TDP2: variants seen among roughly 807,000 people sequenced by gnomAD.
TDP2 encodes the protein 5'-Tyr-DNA phosphodiesterase.
TDP2 carries 38 observed loss-of-function variants against 42.8 expected under a neutral mutation model. The observed-to-expected ratio is 0.89, with a 90% CI of 0.68 to 1.16. TDP2 has a LOEUF of 1.16. Among genes scored for constraint, TDP2 ranks in the 50% most tolerant of loss-of-function variants. The pLI is 0.00. For synonymous variants in TDP2, 173 were observed against 150.6 expected, an observed-to-expected ratio of 1.15 and a Z score of -1.09; for missense variants, 439 against 439.3, an observed-to-expected ratio of 1.00 and a Z score of 0.01.
In TDP2 at chr6:24,650,140, A is replaced by C. The variant is rs1777947250; in HGVS notation, c.*648T>G. 1 of 152,208 alleles carries C rather than the reference A, an allele frequency of 6.6e-6. No individual in the cohort carries two copies. The highest frequency in any genetic ancestry group is 2.4e-5 in the African/African-American group (1 of 41,454). 9.4% of individuals were successfully genotyped at this position (152,208 alleles called of 1,614,324 possible). On this transcript the variant is annotated 3_prime_UTR_variant, in exon 7 of 7. Coordinates refer to ENST00000378198, the MANE Select transcript of TDP2 (RefSeq NM_016614.3). The stretch of plus-strand genomic sequence containing the variant: ...TTCATGCATTTATTTTTGTTAGAAA[A>C]ATGTCCCATGGTGCTATCAAACCGA...
intron 6 of TDP2, 148 bp downstream of exon 6, chr6:24,652,835 C>G: frequency 1.2e-6 from 1 of 839,282 alleles, no homozygotes; most frequent in Non-Finnish European, 1.9e-6. Flanking sequence ...ACAGCATAGG[C>G]TAAACAAATA....
chr6:24,658,319 G>T (rs17249924), intron 3 of TDP2, among the ~76,000 whole-genome samples: 15 of 152,298 alleles, frequency 9.8e-5, no homozygotes, highest in African/African-American at 3.6e-4. Context: ...TTAATTTCAC[G>T]TAGTTACGAT....
rs1415669958 is a variant in TDP2, at chr6:24,666,886, C to T, written c.-24G>A. Reference sequence around the variant, plus strand: ...ATCTTCCTGCCGCCTCTGCACCGCCCCTTTAAGCGGAACAGGAGGCCAACG... The same window carrying T: ...ATCTTCCTGCCGCCTCTGCACCGCCTCTTTAAGCGGAACAGGAGGCCAACG... On this transcript the variant is annotated 5_prime_UTR_variant, in exon 1 of 7. Transcript: ENST00000378198. 5 of 1,611,938 alleles carry T rather than the reference C, an allele frequency of 3.1e-6. No individual in the cohort carries two copies. The highest frequency in any genetic ancestry group is 1.1e-5 in the South Asian group (1 of 91,096).
intron 2 of TDP2, among the ~76,000 whole-genome samples, chr6:24,662,545 T>C (rs1778167325): frequency 6.6e-6 from 1 of 152,158 alleles, no homozygotes; most frequent in Non-Finnish European, 1.5e-5. Context: ...GCTCACGTTT[T>C]CCTGCTGACT....
At chr6:24,657,644 T>C (rs1778078250) in intron 4 of TDP2, among the ~76,000 whole-genome samples, 168 bp downstream of exon 4, 1 of 152,178 alleles carries the variant, frequency 6.6e-6, no homozygotes, top group African/African-American at 2.4e-5. Flanking sequence ...TTAAGTTGTA[T>C]AAAATATTCT....
Position 24,663,799 on chromosome 6 carries a change from A to T in TDP2, c.251+2727T>A, listed in dbSNP as rs187187410. On this transcript the variant is annotated intron_variant, in intron 2 of 6. Coordinates refer to ENST00000378198, the MANE Select transcript of TDP2 (RefSeq NM_016614.3). ...GAGCCTGCAGAACTGTTAGCCAATT[A>T]AATCTCTTTTCTTTATAAATTACCC... Among the ~76,000 whole-genome samples, 12 of 152,334 alleles carry T rather than the reference A, an allele frequency of 7.9e-5. No individual in the cohort carries two copies. In the East Asian group the frequency reaches 2.1e-3, roughly 27 times the overall value.
rs183456015 is a variant in TDP2, at chr6:24,665,619, T to G, written c.251+907A>C. On this transcript the variant is annotated intron_variant, in intron 2 of 6. Coordinates refer to ENST00000378198, the MANE Select transcript of TDP2 (RefSeq NM_016614.3). ...TGGGAGCTTATTATGTGTCAAATGT[T>G]GTGTCAGACTTTGGGAAATTAACAA... Among the ~76,000 whole-genome samples the G allele has an allele frequency of 5.9e-4, 90 of 152,344 alleles. 1 individual carries two copies. The highest frequency in any genetic ancestry group is 2.0e-3 in the African/African-American group (82 of 41,582).
chr6:24,666,782 A>G lies in TDP2; in HGVS notation c.81T>C (p.Leu27=), dbSNP rs888243785. The change falls in exon 1 of 7, where the codon CTT becomes CTC. Residue 27 remains leucine, a synonymous_variant. Transcript: ENST00000378198. The part of the protein sequence containing the change: ...EGEPEVKKRR[L]LCVEFASVAS... ...CGACCGAGGCAAACTCCACACACAG[A>G]AGTCGCCGCTTTTTCACCTCAGGCT... 13 of 1,614,080 alleles carry G rather than the reference A, an allele frequency of 8.1e-6. No homozygotes were observed. Among genetic ancestry groups the G allele is most frequent in the African/African-American group, 1.3e-5 (1 of 74,936 alleles).
rs1435539662 is a variant in TDP2, at chr6:24,659,005, G to A, written c.252-271C>T. 2.0e-5 allele frequency: 6 copies of A among 298,776 alleles called. No homozygotes were observed. In the East Asian group the frequency reaches 2.2e-4, roughly 11 times the overall value. 18.5% of individuals were successfully genotyped at this position (298,776 alleles called of 1,614,324 possible). ...ACTTGCATCCCCATTGCTCCTATGGGTAGGATCTCTGACATCAGAATCATA... is the reference window on the plus strand; with the variant it reads ...ACTTGCATCCCCATTGCTCCTATGGATAGGATCTCTGACATCAGAATCATA... On this transcript the variant is annotated intron_variant, in intron 2 of 6. Transcript: ENST00000378198.
chr6:24,666,731 C>G lies in TDP2; in HGVS notation c.132G>C (p.Gln44His). 6.2e-7 allele frequency: 1 copy of G among 1,614,252 alleles called. No individual in the cohort carries two copies. The highest frequency in any genetic ancestry group is 1.1e-5 in the South Asian group (1 of 91,086). The change falls in exon 1 of 7, where the codon CAG becomes CAC. Residue 44 changes from glutamine to histidine, a missense_variant. By Grantham distance (24) the Gln-to-His change is conservative (BLOSUM62 0). Coordinates refer to ENST00000378198, the MANE Select transcript of TDP2 (RefSeq NM_016614.3). ...SVASCDAAVA[Q>H]CFLAENDWEM... is the part of the protein sequence containing the mutation. ...CCCAGTCGTTCTCGGCCAGGAAGCA[C>G]TGAGCCACTGCGGCATCGCAGCTTG...
At chr6:24,665,891 C>T (rs532520718) in intron 2 of TDP2, 2 of 459,258 alleles carry the variant, frequency 4.4e-6, no homozygotes, top group East Asian at 7.4e-5. Context: ...ATTCCAGGCA[C>T]AGGTAATAAA....
At chr6:24,657,768 C>T (rs757911418) in intron 4 of TDP2, 44 bp downstream of exon 4, 9 of 1,139,778 alleles carry the variant, frequency 7.9e-6, no homozygotes, top group Non-Finnish European at 1.0e-5. Flanking sequence ...TTTCACTGAT[C>T]TGTTTTTCAA....
chr6:24,651,186 G>T, intron 6 of TDP2, 117 bp from the exon 7 acceptor site: 1 of 765,334 alleles, frequency 1.3e-6, no homozygotes, highest in Non-Finnish European at 2.1e-6. Flanking sequence ...ATGCAGAAAT[G>T]CAAAACAATG....
chr6:24,655,391 G>A (rs1778046818), intron 4 of TDP2, among the ~76,000 whole-genome samples: 1 of 152,132 alleles, frequency 6.6e-6, no homozygotes. Flanking sequence ...GAGAACCATA[G>A]ACAGGAAGCA....
In TDP2 at chr6:24,654,167, T is replaced by C. The variant is rs565280390; in HGVS notation, c.636+245A>G. ...AGAGTAGAAAGTAAAAACATTACTT[T>C]AGGAAGCAAATGTGGAATGTCAGCA... On this transcript the variant is annotated intron_variant, in intron 5 of 6. Coordinates refer to ENST00000378198, the MANE Select transcript of TDP2 (RefSeq NM_016614.3). 2.5e-3 allele frequency among the ~76,000 whole-genome samples: 375 copies of C among 152,294 alleles called. 1 individual carries two copies. The highest frequency in any genetic ancestry group is 2.5e-3 in the Non-Finnish European group (168 of 68,014).
chr6:24,655,544 C>A (rs1778048877), intron 4 of TDP2, among the ~76,000 whole-genome samples: 1 of 152,192 alleles, frequency 6.6e-6, no homozygotes, highest in South Asian at 2.1e-4. Flanking sequence ...TTCCTCAACT[C>A]CTTAGAGCTA....
intron 6 of TDP2, among the ~76,000 whole-genome samples, chr6:24,652,092 T>C (rs995602781): frequency 1.3e-5 from 2 of 152,250 alleles, no homozygotes; most frequent in East Asian, 1.9e-4. Flanking sequence ...TTGACCAGTT[T>C]AGGAAATTCA....
At chr6:24,659,631 T>C (rs1442742309) in intron 2 of TDP2, among the ~76,000 whole-genome samples, 1 of 152,202 alleles carries the variant, frequency 6.6e-6, no homozygotes, top group Non-Finnish European at 1.5e-5. Context: ...AAACGTAGGA[T>C]TTCTAAATCT....
intron 2 of TDP2, among the ~76,000 whole-genome samples, chr6:24,663,161 C>G (rs1778182059): frequency 6.6e-6 from 1 of 152,160 alleles, no homozygotes; most frequent in African/African-American, 2.4e-5. Context: ...ACTTACTGAG[C>G]TCTATATGCC....
Sources: allele counts gnomAD v4.1 joint callset (sites outside exome capture counted in the v4.1 genomes callset), GRCh38; gene constraint gnomAD v4.1.1; transcripts MANE v1.5; gene names NCBI Gene and HGNC (gene_info 2026-07-23, HGNC 2026-07-21).